CERS3: variants seen among roughly 807,000 people sequenced by gnomAD.
CERS3 encodes the protein LAG1 homolog, ceramide synthase 3.
In CERS3, 33 loss-of-function variants were observed where a neutral mutation model predicts 50.3. The observed-to-expected ratio is 0.66, with a 90% CI of 0.50 to 0.88. CERS3 has a LOEUF of 0.88. Among genes scored for constraint, CERS3 ranks in the 40% least tolerant of loss-of-function variants. CERS3 has a pLI of 0.00. For missense variants in CERS3, 470 were observed against 460.3 expected (o/e 1.02, Z -0.19); for synonymous variants, 176 against 155.2 (o/e 1.13, Z -0.99).
chr15:100,433,631 T>C (rs2033246776), intron 11 of CERS3, among the ~76,000 whole-genome samples: 1 of 152,060 alleles, frequency 6.6e-6, no homozygotes, highest in South Asian at 2.1e-4. Context: ...ACTTCTCCCT[T>C]TGCCCAGCCC....
At chr15:100,541,254 C>T (rs1264352707) in intron 1 of CERS3, among the ~76,000 whole-genome samples, 1 of 152,158 alleles carries the variant, frequency 6.6e-6, no homozygotes, top group East Asian at 1.9e-4. Flanking sequence ...GGTGGATCAC[C>T]TGAGGTTGGG....
At chr15:100,492,211 G>A (rs78386163) in intron 3 of CERS3, among the ~76,000 whole-genome samples, 2,994 of 152,236 alleles carry the variant, frequency 0.02, 91 homozygotes, top group African/African-American at 0.066. Flanking sequence ...TGTTTGTTAC[G>A]ACTAGCTGGT....
chr15:100,543,350 A>G (rs77556235), intron 1 of CERS3, among the ~76,000 whole-genome samples: 2 of 151,962 alleles, frequency 1.3e-5, no homozygotes, highest in East Asian at 3.9e-4. Flanking sequence ...CCATCTCTAC[A>G]CTCCACATAC....
At chr15:100,508,180 C>CT (rs10652787) in intron 2 of CERS3, among the ~76,000 whole-genome samples, 2 of 152,154 alleles carry the variant, frequency 1.3e-5, no homozygotes, top group South Asian at 4.1e-4. Flanking sequence ...AGTTTCTCCC[C>CT]GTTTAGCCTC....
chr15:100,462,689 C>T (rs1307615563), intron 10 of CERS3, among the ~76,000 whole-genome samples: 1 of 152,166 alleles, frequency 6.6e-6, no homozygotes, highest in Non-Finnish European at 1.5e-5. Context: ...CCTGGAAGTA[C>T]CTTAACTCTT....
At chr15:100,506,070 C>G (rs2036169433) in intron 2 of CERS3, among the ~76,000 whole-genome samples, 1 of 38,902 alleles carries the variant, frequency 2.6e-5, no homozygotes, top group Admixed American at 4.6e-4. Flanking sequence ...GACCCTGTTT[C>G]AAAACAAACA....
At chr15:100,521,267 A>G (rs1002980665) in intron 2 of CERS3, among the ~76,000 whole-genome samples, 6 of 152,188 alleles carry the variant, frequency 3.9e-5, no homozygotes, top group African/African-American at 1.4e-4. Flanking sequence ...ATGATTTTGA[A>G]GGAATGTGGT....
chr15:100,523,700 CAAA>C (rs34875423), intron 1 of CERS3, among the ~76,000 whole-genome samples: 4 of 51,486 alleles, frequency 7.8e-5, no homozygotes, highest in Admixed American at 3.7e-4. Context: ...GACTCCATCT[CAAA>C]AAAAAAAAAA....
rs79231070 is a variant in CERS3 at position 100,519,364 on chromosome 15, C to T, written c.-2+2303G>A. The stretch of plus-strand genomic sequence containing the variant: ...CTGTGTGAGGGGATTCAGAGTTCCT[C>T]GATGTTATTCATGTTCATGAAATTT... On this transcript the variant is annotated intron_variant, in intron 2 of 11. Transcript: ENST00000679737. Among the ~76,000 whole-genome samples, 137 of 151,930 alleles carry T rather than the reference C, an allele frequency of 9.0e-4. 5 individuals carry two copies. The East Asian group carries it at 0.024, about 26-fold the overall frequency.
At chr15:100,429,574 C>T (rs1035596583) in intron 11 of CERS3, among the ~76,000 whole-genome samples, 4 of 152,128 alleles carry the variant, frequency 2.6e-5, no homozygotes, top group Non-Finnish European at 4.4e-5. Flanking sequence ...GGAGCGCCCA[C>T]GCATTCCTCC....
At chr15:100,484,298 TA>T (rs557710167) in intron 5 of CERS3, among the ~76,000 whole-genome samples, 83 of 152,280 alleles carry the variant, frequency 5.5e-4, no homozygotes, top group African/African-American at 2.0e-3. Context: ...AGAGAGTTCA[TA>T]GTGTGGGAGT....
chr15:100,497,570 G>C (rs1011140949), intron 3 of CERS3, among the ~76,000 whole-genome samples: 2 of 151,744 alleles, frequency 1.3e-5, no homozygotes, highest in African/African-American at 4.8e-5. Flanking sequence ...AAATTAGGAG[G>C]GGAAAGCAAA....
At chr15:100,440,757 T>C (rs1222169667) in intron 11 of CERS3, among the ~76,000 whole-genome samples, 1 of 152,250 alleles carries the variant, frequency 6.6e-6, no homozygotes, top group African/African-American at 2.4e-5. Context: ...TCAAATCCGG[T>C]AAGCGGCCTC....
In CERS3 at chr15:100,512,458, C is replaced by T. The variant is rs144231823; in HGVS notation, c.-2+9209G>A. Among the ~76,000 whole-genome samples the T allele has an allele frequency of 2.6e-4, 39 of 152,252 alleles. No homozygotes were observed. In the East Asian group the frequency reaches 7.4e-3, roughly 29 times the overall value. On this transcript the variant is annotated intron_variant, in intron 2 of 11. Transcript: ENST00000679737. ...GAGATACCTGCTAATGAGCAGCTCT[C>T]CCAGAACCCTACAGGGCAGATTTAT...
chr15:100,450,754 T>C (rs1485851813), intron 11 of CERS3, among the ~76,000 whole-genome samples: 1 of 152,190 alleles, frequency 6.6e-6, no homozygotes, highest in South Asian at 2.1e-4. Context: ...CTGCATATTA[T>C]AGTCAAACTG....
At chr15:100,488,784 T>TTC (rs990682099) in intron 4 of CERS3, among the ~76,000 whole-genome samples, 43 of 149,906 alleles carry the variant, frequency 2.9e-4, no homozygotes, top group African/African-American at 9.0e-4. Flanking sequence ...ATATAACTGT[T>TTC]TTTTTTTTTT....
chr15:100,460,533 T>C (rs556899875), intron 10 of CERS3, among the ~76,000 whole-genome samples: 1 of 152,354 alleles, frequency 6.6e-6, no homozygotes, highest in East Asian at 1.9e-4. Context: ...GCCTAGAATG[T>C]ACTTTCTCTT....
intron 1 of CERS3, among the ~76,000 whole-genome samples, chr15:100,526,793 C>T (rs2036808118): frequency 6.6e-6 from 1 of 152,042 alleles, no homozygotes; most frequent in African/African-American, 2.4e-5. Context: ...GTGATACCCC[C>T]AATCCTAGAA....
chr15:100,509,188 G>A (rs2036268926), intron 2 of CERS3, among the ~76,000 whole-genome samples: 1 of 152,154 alleles, frequency 6.6e-6, no homozygotes. Context: ...TGTAAATGAA[G>A]CCTGTTGAGC....
Sources: gnomAD v4.1 joint callset for allele counts (sites outside exome capture counted in the v4.1 genomes callset) on GRCh38, gnomAD v4.1.1 for gene constraint, MANE v1.5 for transcripts, NCBI Gene and HGNC (gene_info 2026-07-23, HGNC 2026-07-21) for gene names.